Variants in OSTF1 observed in about 807,000 individuals in gnomAD.
OSTF1 encodes the protein osteoclast-stimulating factor 1.
OSTF1 carries 27 observed loss-of-function variants against 37.2 expected under a neutral mutation model. That is an observed-to-expected ratio of 0.73 (90% CI 0.54 to 1.00). OSTF1 has a LOEUF of 1.00. Ranked by LOEUF, OSTF1 falls within the 50% of genes least tolerant of loss-of-function variation. OSTF1 has a pLI of 0.00. For missense variants in OSTF1, 232 were observed against 253.8 expected (o/e 0.91, Z 0.58); for synonymous variants, 82 against 89.2 (o/e 0.92, Z 0.46).
chr9:75,131,975 C>T lies in OSTF1; in HGVS notation c.250+152C>T, dbSNP rs186151120. On this transcript the variant is annotated intron_variant, in intron 5 of 9. Transcript: ENST00000346234. ...CTAGAAAGTTCCCTTTGCACCTTCT[C>T]AGTTAAATCCCTGCCTTACAGTCTG... The T allele has an allele frequency of 1.1e-3, 689 of 623,124 alleles. 1 individual carries two copies. Among genetic ancestry groups the T allele is most frequent in the South Asian group, 3.2e-3 (165 of 51,158 alleles). 38.6% of individuals were successfully genotyped at this position (623,124 alleles called of 1,614,324 possible). A position where few individuals can be genotyped will look rare whatever the true frequency, so the allele number is the denominator to read the frequency against.
chr9:75,140,930 C>T lies in OSTF1; in HGVS notation c.584C>T (p.Thr195Ile), dbSNP rs1016192673. 1.9e-6 allele frequency: 3 copies of T among 1,602,962 alleles called. No homozygotes were observed. The highest frequency in any genetic ancestry group is 2.7e-5 in the African/African-American group (2 of 74,660). ...CASLLKKKQG[T>I]DAVRTLSNAE... ...TCTCTCCTGAAAAAGAAACAGGGAACAGGTATTTGTTTTAAATTCTTCTTT... is the reference window on the plus strand; with the variant it reads ...TCTCTCCTGAAAAAGAAACAGGGAATAGGTATTTGTTTTAAATTCTTCTTT... The change falls in exon 9 of 10, where the codon ACA (threonine) becomes ATA (isoleucine). Residue 195 changes from threonine to isoleucine, a missense_variant and splice_region_variant. Physicochemically the swap from Thr to Ile is moderately conservative, Grantham distance 89 (BLOSUM62 -1). Coordinates refer to ENST00000346234, the MANE Select transcript of OSTF1 (RefSeq NM_012383.5).
chr9:75,093,786 C>T (rs1038051765), intron 1 of OSTF1, among the ~76,000 whole-genome samples: 7 of 152,142 alleles, frequency 4.6e-5, no homozygotes, highest in Non-Finnish European at 8.8e-5. Flanking sequence ...GAAATATGCA[C>T]GTGAATAGTC....
chr9:75,119,838 C>T (rs151325803), intron 2 of OSTF1, among the ~76,000 whole-genome samples: 2,316 of 152,174 alleles, frequency 0.015, 18 homozygotes, highest in Non-Finnish European at 0.023. Context: ...GTGGTGTGCA[C>T]CTGTAACCCC....
intron 5 of OSTF1, among the ~76,000 whole-genome samples, chr9:75,132,277 T>C (rs984622798): frequency 2.0e-5 from 3 of 152,080 alleles, no homozygotes; most frequent in African/African-American, 7.2e-5. Flanking sequence ...AGCGTTGGTG[T>C]GGTGAGCATT....
chr9:75,115,119 T>C (rs1464098275), intron 1 of OSTF1, among the ~76,000 whole-genome samples: 1 of 152,190 alleles, frequency 6.6e-6, no homozygotes, highest in African/African-American at 2.4e-5. Flanking sequence ...TAAAACATGT[T>C]CAAATAGGAA....
At chr9:75,114,271 G>A (rs1825442803) in intron 1 of OSTF1, among the ~76,000 whole-genome samples, 1 of 152,110 alleles carries the variant, frequency 6.6e-6, no homozygotes, top group South Asian at 2.1e-4. Context: ...TTCTGTTTAA[G>A]ATGACTGTGT....
At chr9:75,092,120 G>A (rs1824986429) in intron 1 of OSTF1, among the ~76,000 whole-genome samples, 1 of 152,204 alleles carries the variant, frequency 6.6e-6, no homozygotes, top group Non-Finnish European at 1.5e-5. Context: ...TAAGGACAAA[G>A]GACTTGCTGG....
chr9:75,117,377 G>A (rs1825507467), intron 1 of OSTF1, 127 bp from the exon 2 acceptor site: 2 of 636,098 alleles, frequency 3.1e-6, no homozygotes, highest in Non-Finnish European at 5.5e-6. Context: ...CCAGCCTCTA[G>A]TATCCTCTGT....
At chr9:75,132,861 C>G (rs1237793535) in intron 5 of OSTF1, among the ~76,000 whole-genome samples, 4 of 151,950 alleles carry the variant, frequency 2.6e-5, no homozygotes, top group East Asian at 1.9e-4. Context: ...ACTGAAGATG[C>G]ATTTTAAATA....
chr9:75,096,048 C>T (rs1165510092), intron 1 of OSTF1, among the ~76,000 whole-genome samples: 6 of 152,140 alleles, frequency 3.9e-5, no homozygotes, highest in African/African-American at 1.4e-4. Context: ...CCCGCCACCA[C>T]GCCTGGCTAA....
chr9:75,091,333 C>G (rs1025775511), intron 1 of OSTF1, among the ~76,000 whole-genome samples: 5 of 152,038 alleles, frequency 3.3e-5, no homozygotes, highest in African/African-American at 1.2e-4. Context: ...TCCTTCGCTT[C>G]CCAAAGTGTG....
intron 1 of OSTF1, among the ~76,000 whole-genome samples, chr9:75,094,757 G>T (rs906792435): frequency 1.3e-5 from 2 of 152,186 alleles, no homozygotes; most frequent in Non-Finnish European, 2.9e-5. Flanking sequence ...TCAGAAAAAT[G>T]TACAGGCCAG....
chr9:75,144,965 C>T (rs1483711855), intron 9 of OSTF1, among the ~76,000 whole-genome samples: 1 of 152,164 alleles, frequency 6.6e-6, no homozygotes, highest in Admixed American at 6.5e-5. Context: ...GAAACTGGGT[C>T]AACTCACTTG....
At chr9:75,117,595 A>G in intron 2 of OSTF1, 45 bp downstream of exon 2, 1 of 1,370,750 alleles carries the variant, frequency 7.3e-7, no homozygotes, top group South Asian at 1.2e-5. Context: ...GAAAAACCTA[A>G]GATGATTTTA....
At chr9:75,107,022 G>T (rs939046511) in intron 1 of OSTF1, among the ~76,000 whole-genome samples, 14 of 150,148 alleles carry the variant, frequency 9.3e-5, no homozygotes, top group Non-Finnish European at 1.5e-4. Flanking sequence ...TTTGTGGAAT[G>T]ACGCCAATAG....
chr9:75,095,944 T>G (rs1009912505), intron 1 of OSTF1, among the ~76,000 whole-genome samples: 1 of 150,816 alleles, frequency 6.6e-6, no homozygotes, highest in Non-Finnish European at 1.5e-5. Context: ...CAGGCTGGAG[T>G]GCAGTGGCGC....
chr9:75,124,159 A>G (rs907163030), intron 2 of OSTF1, among the ~76,000 whole-genome samples: 1 of 152,220 alleles, frequency 6.6e-6, no homozygotes, highest in African/African-American at 2.4e-5. Context: ...GTGAGTACAT[A>G]GTAGGTGTAT....
intron 2 of OSTF1, among the ~76,000 whole-genome samples, chr9:75,122,186 G>A (rs942068985): frequency 1.3e-5 from 2 of 152,188 alleles, no homozygotes; most frequent in Non-Finnish European, 2.9e-5. Flanking sequence ...TGTGTTAAGA[G>A]GAGCATTGAT....
rs368907006 is a variant in OSTF1 at position 75,117,399 on chromosome 9, A to T, written c.35-105A>T. On this transcript the variant is annotated intron_variant, in intron 1 of 9. Coordinates refer to ENST00000346234, the MANE Select transcript of OSTF1 (RefSeq NM_012383.5). ...CTAGTATCCTCTGTTCTACTTGATCACATGGGTTTTTAATTAGGGAATTCT... is the reference window on the plus strand; with the variant it reads ...CTAGTATCCTCTGTTCTACTTGATCTCATGGGTTTTTAATTAGGGAATTCT... 1.1e-4 allele frequency: 84 copies of T among 743,296 alleles called. No individual in the cohort carries two copies. The African/African-American group carries it at 1.3e-3, about 11-fold the overall frequency. The allele number at this position is 743,296 out of a possible 1,614,324, so 46.0% of individuals were successfully genotyped here. A position where few individuals can be genotyped will look rare whatever the true frequency, so the allele number is the denominator to read the frequency against.
Sources: allele counts gnomAD v4.1 joint callset (sites outside exome capture counted in the v4.1 genomes callset), GRCh38; gene constraint gnomAD v4.1.1; transcripts MANE v1.5; gene names NCBI Gene and HGNC (gene_info 2026-07-23, HGNC 2026-07-21).